The following MXI1 variants were observed in gnomAD, a reference collection of about 807,000 sequenced individuals.
The protein encoded by MXI1 is MAX interactor 1, dimerization protein.
In MXI1, 18 loss-of-function variants were observed where a neutral mutation model predicts 36.9. That is an observed-to-expected ratio of 0.49 (90% CI 0.34 to 0.72). The LOEUF is 0.72. Ranked by LOEUF, MXI1 falls within the 30% of genes least tolerant of loss-of-function variation. MXI1 has a pLI of 0.01. For synonymous variants in MXI1, 160 were observed against 146.7 expected (o/e 1.09, Z -0.65); for missense variants, 304 against 379.1 (o/e 0.80, Z 1.64).
chr10:110,219,540 C>T (rs1022008679), intron 1 of MXI1, among the ~76,000 whole-genome samples: 5 of 152,216 alleles, frequency 3.3e-5, no homozygotes, highest in African/African-American at 1.2e-4. Context: ...GCATTTGCCA[C>T]AATACCCAGG....
At chr10:110,271,184 T>C (rs1165257254) in intron 3 of MXI1, among the ~76,000 whole-genome samples, 1 of 152,100 alleles carries the variant, frequency 6.6e-6, no homozygotes, top group Admixed American at 6.5e-5. Flanking sequence ...ATGCACCTTA[T>C]TAACATTTGC....
In MXI1 at chr10:110,250,412, T is replaced by C. The variant is rs189776848; in HGVS notation, c.437+5555T>C. Among the ~76,000 whole-genome samples the C allele has an allele frequency of 1.4e-3, 208 of 152,306 alleles. 4 individuals carry two copies. Among genetic ancestry groups the C allele is most frequent in the Admixed American group, 0.013 (198 of 15,288 alleles). Reference sequence around the variant, plus strand: ...AAGAATTAAGATATTACTTTGCCCATTGGCTTATCTTACAGTTTGGGTCCT... The same window carrying C: ...AAGAATTAAGATATTACTTTGCCCACTGGCTTATCTTACAGTTTGGGTCCT... On this transcript the variant is annotated intron_variant, in intron 3 of 5. Transcript: ENST00000332674.
At chr10:110,233,481 C>T (rs777255465) in intron 2 of MXI1, among the ~76,000 whole-genome samples, 2 of 151,850 alleles carry the variant, frequency 1.3e-5, no homozygotes, top group Admixed American at 1.3e-4. Flanking sequence ...TTGAATGAAG[C>T]CTTATTTTTA....
intron 1 of MXI1, among the ~76,000 whole-genome samples, chr10:110,224,333 C>T (rs1317277931): frequency 6.6e-6 from 1 of 152,208 alleles, no homozygotes; most frequent in African/African-American, 2.4e-5. Flanking sequence ...TCCCTAGATC[C>T]CTTGTTCCCA....
intron 3 of MXI1, among the ~76,000 whole-genome samples, chr10:110,270,187 A>G (rs1393617495): frequency 6.6e-6 from 1 of 152,198 alleles, no homozygotes; most frequent in South Asian, 2.1e-4. Context: ...ATGTAGCCCT[A>G]TTTCCCAGAC....
At chr10:110,244,888 T>TA in intron 3 of MXI1, 31 bp downstream of exon 3, 4 of 1,604,990 alleles carry the variant, frequency 2.5e-6, no homozygotes, top group Non-Finnish European at 3.4e-6. Context: ...AGCTTTCACT[T>TA]ACGTTTAAAA....
At chr10:110,267,154 T>C (rs1385182489) in intron 3 of MXI1, among the ~76,000 whole-genome samples, 2 of 152,202 alleles carry the variant, frequency 1.3e-5, no homozygotes, top group Admixed American at 1.3e-4. Flanking sequence ...AGGGTGTCTA[T>C]TCCCTTTGAA....
chr10:110,208,678 C>A (rs1159114128), intron 1 of MXI1: 1 of 151,504 alleles, frequency 6.6e-6, no homozygotes, highest in African/African-American at 2.4e-5. Context: ...GGACTGGGCT[C>A]AGGCCATCAC....
chr10:110,209,483 T>A (rs1036369504), intron 1 of MXI1, among the ~76,000 whole-genome samples: 2 of 152,184 alleles, frequency 1.3e-5, no homozygotes, highest in African/African-American at 4.8e-5. Flanking sequence ...AGGAACCGTG[T>A]GTTGGCAGCG....
chr10:110,239,839 A>C lies in MXI1; in HGVS notation c.408-4989A>C, dbSNP rs148817969. ...TACAAATCCTGTGTACAGCTCAATG[A>C]ATTTTTACAAAAGCAAAGAAATATT... On this transcript the variant is annotated intron_variant, in intron 2 of 5. Transcript: ENST00000332674. 1.6e-3 allele frequency among the ~76,000 whole-genome samples: 240 copies of C among 152,288 alleles called. 1 individual carries two copies. The highest frequency in any genetic ancestry group is 4.3e-3 in the Admixed American group (65 of 15,284).
intron 1 of MXI1, among the ~76,000 whole-genome samples, chr10:110,221,615 G>T (rs1250625092): frequency 6.6e-6 from 1 of 152,210 alleles, no homozygotes; most frequent in African/African-American, 2.4e-5. Context: ...CACTGAAATA[G>T]GCTGCTGTAA....
At chr10:110,210,301 C>CT in intron 1 of MXI1, 1 of 985,136 alleles carries the variant, frequency 1.0e-6, no homozygotes, top group Non-Finnish European at 1.2e-6. Context: ...GCACCCAAGT[C>CT]TAAGTCAACT....
At chr10:110,240,535 C>A (rs975543792) in intron 2 of MXI1, among the ~76,000 whole-genome samples, 8 of 151,912 alleles carry the variant, frequency 5.3e-5, no homozygotes, top group East Asian at 1.9e-4. Flanking sequence ...ATGAGATGTA[C>A]TTTTCGATGG....
At position 110,285,799 on chromosome 10, in the gene MXI1, T is replaced by C. The variant is rs1211400908; in HGVS notation, c.*812T>C. The C allele has an allele frequency of 6.6e-6, 1 of 152,542 alleles. No individual in the cohort carries two copies. The highest frequency in any genetic ancestry group is 1.5e-5 in the Non-Finnish European group (1 of 68,052). 9.4% of individuals were successfully genotyped at this position (152,542 alleles called of 1,614,324 possible). On this transcript the variant is annotated 3_prime_UTR_variant, in exon 6 of 6. Transcript: ENST00000332674. Reference sequence around the variant, plus strand: ...GGGGGGCCAAAAGGAAAAAGCTCCATGTGCCTCTTTGTCTGCGTGGGTCAG... The same window carrying C: ...GGGGGGCCAAAAGGAAAAAGCTCCACGTGCCTCTTTGTCTGCGTGGGTCAG...
At chr10:110,209,223 G>A (rs1854444925) in intron 1 of MXI1, among the ~76,000 whole-genome samples, 2 of 152,264 alleles carry the variant, frequency 1.3e-5, no homozygotes, top group East Asian at 1.9e-4. Context: ...AAGGAGGAAG[G>A]GAACTAGGCA....
intron 1 of MXI1, among the ~76,000 whole-genome samples, chr10:110,215,307 T>G (rs1854610818): frequency 1.3e-5 from 2 of 152,146 alleles, no homozygotes; most frequent in Non-Finnish European, 2.9e-5. Flanking sequence ...CCCAAAGTGC[T>G]AGGATTACAG....
At chr10:110,256,217 G>T (rs1270133119) in intron 3 of MXI1, among the ~76,000 whole-genome samples, 1 of 152,054 alleles carries the variant, frequency 6.6e-6, no homozygotes, top group African/African-American at 2.4e-5. Context: ...TAAAACATAA[G>T]TGTAAATCTT....
intron 2 of MXI1, among the ~76,000 whole-genome samples, chr10:110,233,994 T>G (rs1443966913): frequency 3.9e-5 from 6 of 152,184 alleles, no homozygotes; most frequent in Non-Finnish European, 7.4e-5. Context: ...AGGGAATTCT[T>G]TAGTACAATT....
At chr10:110,238,743 A>G (rs762714517) in intron 2 of MXI1, among the ~76,000 whole-genome samples, 5 of 152,142 alleles carry the variant, frequency 3.3e-5, no homozygotes, top group African/African-American at 7.2e-5. Flanking sequence ...TCTTTAATAG[A>G]TGAAAGGCAA....
Sources: gnomAD v4.1 joint callset for allele counts (sites outside exome capture counted in the v4.1 genomes callset) on GRCh38, gnomAD v4.1.1 for gene constraint, MANE v1.5 for transcripts, NCBI Gene and HGNC (gene_info 2026-07-23, HGNC 2026-07-21) for gene names.